Variants in IL1RAPL1 observed in about 807,000 individuals in gnomAD.
IL1RAPL1 encodes the protein interleukin 1 receptor accessory protein like 1.
IL1RAPL1 carries 3 observed loss-of-function variants against 48.4 expected under a neutral mutation model. The ratio of observed to expected loss-of-function variants is 0.06; its 90% CI spans 0.03 to 0.16. The LOEUF (loss-of-function observed/expected upper bound fraction) is 0.16. Among genes scored for constraint, IL1RAPL1 ranks in the 10% least tolerant of loss-of-function variants. IL1RAPL1 has a pLI of 1.00. For missense variants in IL1RAPL1, 349 were observed against 530.6 expected (o/e 0.66, Z 3.36); for synonymous variants, 185 against 187.7 (o/e 0.99, Z 0.12).
intron 5 of IL1RAPL1, among the ~76,000 whole-genome samples, chrX:29,629,269 G>GA (rs1436547771): frequency 9.0e-6 from 1 of 110,679 alleles, no homozygotes; most frequent in Non-Finnish European, 1.9e-5. Flanking sequence ...CAAAGGCAGA[G>GA]AAAAAAATCT....
chrX:29,201,876 G>A (rs911789924), intron 2 of IL1RAPL1, among the ~76,000 whole-genome samples: 1 of 111,398 alleles, frequency 9.0e-6, no homozygotes, highest in African/African-American at 3.3e-5. Context: ...TGTATTTTTA[G>A]TAGAGACGGG....
intron 2 of IL1RAPL1, among the ~76,000 whole-genome samples, chrX:28,979,754 G>T (rs1423471186): frequency 8.9e-6 from 1 of 112,174 alleles, no homozygotes; most frequent in Non-Finnish European, 1.9e-5. Flanking sequence ...GTTTGTTGTT[G>T]TGATGGTTGT....
At chrX:29,477,746 G>A (rs1424662538) in intron 5 of IL1RAPL1, among the ~76,000 whole-genome samples, 1 of 112,268 alleles carries the variant, frequency 8.9e-6, no homozygotes. Context: ...CTGGTAAGCA[G>A]AGCAGCTGGT....
At chrX:29,134,581 G>C (rs1929087360) in intron 2 of IL1RAPL1, among the ~76,000 whole-genome samples, 1 of 111,252 alleles carries the variant, frequency 9.0e-6, no homozygotes, top group Non-Finnish European at 1.9e-5. Flanking sequence ...TCTGTGGTTG[G>C]CTATTCTTGT....
intron 2 of IL1RAPL1, among the ~76,000 whole-genome samples, chrX:28,823,382 C>A (rs1458864648): frequency 1.8e-5 from 2 of 111,436 alleles, no homozygotes; most frequent in African/African-American, 6.5e-5. Context: ...CAACTATTAA[C>A]TGGCTTTGTA....
intron 5 of IL1RAPL1, among the ~76,000 whole-genome samples, chrX:29,506,424 CTT>C (rs1569326388): frequency 6.1e-4 from 51 of 83,809 alleles, no homozygotes; most frequent in African/African-American, 2.1e-3. Context: ...TCTTCTTCTT[CTT>C]CTCCTTCTCC....
chrX:28,922,880 G>C (rs911508745), intron 2 of IL1RAPL1, among the ~76,000 whole-genome samples: 2 of 111,808 alleles, frequency 1.8e-5, no homozygotes, highest in African/African-American at 6.5e-5. Context: ...AAAAATGTAA[G>C]TTATAATTAA....
intron 5 of IL1RAPL1, among the ~76,000 whole-genome samples, chrX:29,631,252 AC>A (rs1211936563): frequency 9.1e-6 from 1 of 110,472 alleles, no homozygotes; most frequent in Non-Finnish European, 1.9e-5. Context: ...TGTAATAATA[AC>A]TCTGATTTCA....
At chrX:29,258,013 C>T (rs930037969) in intron 2 of IL1RAPL1, among the ~76,000 whole-genome samples, 4 of 111,135 alleles carry the variant, frequency 3.6e-5, no homozygotes, top group Non-Finnish European at 5.7e-5. Flanking sequence ...GGGGTTTTCC[C>T]GGATCATTTG....
intron 5 of IL1RAPL1, among the ~76,000 whole-genome samples, chrX:29,542,410 C>T (rs1017426955): frequency 1.8e-5 from 2 of 111,632 alleles, no homozygotes; most frequent in African/African-American, 6.5e-5. Flanking sequence ...TTTCAATAGG[C>T]CTGCACTTTA....
chrX:29,487,965 T>C (rs1935114229), intron 5 of IL1RAPL1, among the ~76,000 whole-genome samples: 1 of 112,207 alleles, frequency 8.9e-6, no homozygotes, highest in Non-Finnish European at 1.9e-5. Flanking sequence ...TGTTCCCCTT[T>C]TCATCTTTAG....
chrX:29,338,158 TTGAG>T (rs1933023385), intron 3 of IL1RAPL1, among the ~76,000 whole-genome samples: 1 of 111,222 alleles, frequency 9.0e-6, no homozygotes, highest in Non-Finnish European at 1.9e-5. Flanking sequence ...GATTCACTGA[TTGAG>T]TGAATTGTCG....
In IL1RAPL1 at chrX:29,922,383, C is replaced by T. The variant is rs148457319; in HGVS notation, c.1057+2289C>T. 7.1e-3 allele frequency among the ~76,000 whole-genome samples: 794 copies of T among 112,049 alleles called. 7 individuals carry two copies. The highest frequency in any genetic ancestry group is 0.025 in the African/African-American group (757 of 30,846). On this transcript the variant is annotated intron_variant, in intron 8 of 10. Transcript: ENST00000378993. ...TATGTTTTTCAAATATGCGTTTATACCAACGGCATTTTATTCTTGATAAAT... is the reference window on the plus strand; with the variant it reads ...TATGTTTTTCAAATATGCGTTTATATCAACGGCATTTTATTCTTGATAAAT...
At chrX:28,807,973 G>A (rs1936750741) in intron 2 of IL1RAPL1, among the ~76,000 whole-genome samples, 1 of 111,042 alleles carries the variant, frequency 9.0e-6, no homozygotes, top group Non-Finnish European at 1.9e-5. Context: ...CAGAGTAGGA[G>A]AAGCTTCTGA....
chrX:28,768,359 A>G (rs1434632116), intron 1 of IL1RAPL1, among the ~76,000 whole-genome samples: 5 of 110,770 alleles, frequency 4.5e-5, no homozygotes, highest in African/African-American at 1.3e-4. Flanking sequence ...CACAGTTATG[A>G]CACTGAGAAT....
chrX:28,602,139 T>A (rs1934034993), intron 1 of IL1RAPL1, among the ~76,000 whole-genome samples: 1 of 110,348 alleles, frequency 9.1e-6, no homozygotes, highest in Admixed American at 9.7e-5. Context: ...TTCATGGTAT[T>A]TTTAAAAGAC....
chrX:29,542,760 T>C (rs1254781241), intron 5 of IL1RAPL1, among the ~76,000 whole-genome samples: 1 of 112,365 alleles, frequency 8.9e-6, no homozygotes, highest in Non-Finnish European at 1.9e-5. Context: ...AATAGTTGTT[T>C]ATGATTATCC....
intron 2 of IL1RAPL1, among the ~76,000 whole-genome samples, chrX:28,936,453 T>C (rs1924017905): frequency 9.0e-6 from 1 of 110,508 alleles, no homozygotes. Flanking sequence ...GAGGCTGCAG[T>C]GAGCTACGAT....
At chrX:28,667,211 T>G (rs1450775408) in intron 1 of IL1RAPL1, among the ~76,000 whole-genome samples, 1 of 112,026 alleles carries the variant, frequency 8.9e-6, no homozygotes, top group Non-Finnish European at 1.9e-5. Context: ...CAGTGCCTAC[T>G]ACCCAAGATA....
Sources: gnomAD v4.1 joint callset for allele counts (sites outside exome capture counted in the v4.1 genomes callset) on GRCh38, gnomAD v4.1.1 for gene constraint, MANE v1.5 for transcripts, NCBI Gene and HGNC (gene_info 2026-07-23, HGNC 2026-07-21) for gene names.